KCNMA1: variants seen among roughly 807,000 people sequenced by gnomAD.
The protein encoded by KCNMA1 is potassium calcium-activated channel subfamily M alpha 1.
Under a neutral mutation model 140.0 loss-of-function variants are expected in KCNMA1, and 29 were observed. The ratio of observed to expected loss-of-function variants is 0.21; its 90% CI spans 0.15 to 0.28. KCNMA1 has a LOEUF of 0.28. Among genes scored for constraint, KCNMA1 ranks in the 10% least tolerant of loss-of-function variants. The pLI is 1.00. For missense variants in KCNMA1, 880 were observed against 1,602.2 expected (o/e 0.55, Z 7.70); for synonymous variants, 612 against 611.9 (o/e 1.00, Z 0.00).
intron 23 of KCNMA1, among the ~76,000 whole-genome samples, chr10:76,940,478 A>G (rs968986091): frequency 6.6e-6 from 1 of 152,208 alleles, no homozygotes; most frequent in African/African-American, 2.4e-5. Context: ...ATAGGGTTGC[A>G]TGCATATTCT....
chr10:76,906,258 C>T (rs1438323719), intron 25 of KCNMA1, among the ~76,000 whole-genome samples: 1 of 152,120 alleles, frequency 6.6e-6, no homozygotes, highest in Non-Finnish European at 1.5e-5. Flanking sequence ...GAGTCTCATC[C>T]CTAAAAACAG....
At chr10:76,878,038 C>A in intron 29 of KCNMA1, 1 of 771,256 alleles carries the variant, frequency 1.3e-6, no homozygotes, top group South Asian at 1.6e-5. Flanking sequence ...AGAGACAGTG[C>A]AGTGTAGGGA....
In KCNMA1 at chr10:77,112,581, T is replaced by C. The variant is rs566538285; in HGVS notation, c.885-139A>G. The C allele has an allele frequency of 3.7e-5, 26 of 697,354 alleles. No individual in the cohort carries two copies. The African/African-American group carries it at 4.2e-4, about 11-fold the overall frequency. The allele number at this position is 697,354 out of a possible 1,614,324, so 43.2% of individuals were successfully genotyped here. On this transcript the variant is annotated intron_variant, in intron 6 of 27. Coordinates refer to ENST00000286628, the MANE Select transcript of KCNMA1 (RefSeq NM_001161352.2). ...CAACCATTTCTCCATTATAAGGGAA[T>C]TCTGGAAGGTGGAGGAAGCTGCTGG...
rs1199110868 is a variant in KCNMA1, at chr10:77,404,298, A to G, written c.379-275T>C. Among the ~76,000 whole-genome samples the G allele has an allele frequency of 4.6e-5, 7 of 152,100 alleles. No individual in the cohort carries two copies. In the East Asian group the frequency reaches 1.4e-3, roughly 29 times the overall value. On this transcript the variant is annotated intron_variant, in intron 1 of 27. Transcript: ENST00000286628. ...CTATTTTATTTTATTTTATTTTTTG[A>G]GATGAAGTCTCACTCTGTCACCCAG...
chr10:77,306,617 T>C (rs1293230483), intron 2 of KCNMA1, among the ~76,000 whole-genome samples: 1 of 152,218 alleles, frequency 6.6e-6, no homozygotes, highest in Non-Finnish European at 1.5e-5. Context: ...AAGAAAAGAA[T>C]TAACATGATC....
At position 77,084,713 on chromosome 10, in the gene KCNMA1, ACT is replaced by A; in HGVS notation, c.1445_1446del (p.Glu482ValfsTer15). ...GCAAGGATCAGGCATGCATCTGCTG[ACT>A]CTATCTAAGACACCGAAAGGAAAAT... is the stretch of plus-strand genomic sequence containing the variant. ...NPHDLARVKI[E>X]SADACLILAN... On this transcript the variant is annotated frameshift_variant, in exon 12 of 28. Transcript: ENST00000286628. LOFTEE classifies it high-confidence loss of function. The A allele has an allele frequency of 6.2e-7, 1 of 1,612,988 alleles. No homozygotes were observed. Among genetic ancestry groups the A allele is most frequent in the Non-Finnish European group, 8.5e-7 (1 of 1,179,144 alleles).
intron 18 of KCNMA1, among the ~76,000 whole-genome samples, chr10:77,002,320 C>T (rs1460757032): frequency 1.3e-5 from 2 of 152,160 alleles, no homozygotes; most frequent in African/African-American, 4.8e-5. Flanking sequence ...TCACCAAAAG[C>T]ATATGAGATG....
intron 3 of KCNMA1, 106 bp downstream of exon 3, chr10:77,251,089 C>T (rs759963358): frequency 7.8e-6 from 7 of 894,984 alleles, no homozygotes; most frequent in African/African-American, 1.6e-5. Flanking sequence ...ATCTTCTGCA[C>T]TCAGAAGGTC....
Position 77,284,647 on chromosome 10 carries a change from G to A in KCNMA1, c.541-33391C>T, listed in dbSNP as rs1042616069. ...TCTTGCCTCAACCTCCCAAGTAGCC[G>A]GGATTACAGGCACATGGCATCACAC... On this transcript the variant is annotated intron_variant, in intron 2 of 27. Transcript: ENST00000286628. 3.3e-5 allele frequency among the ~76,000 whole-genome samples: 5 copies of A among 151,872 alleles called. No individual in the cohort carries two copies. In the East Asian group the frequency reaches 5.8e-4, roughly 18 times the overall value.
At chr10:77,410,253 G>A (rs1434542875) in intron 1 of KCNMA1, among the ~76,000 whole-genome samples, 2 of 152,174 alleles carry the variant, frequency 1.3e-5, no homozygotes, top group African/African-American at 4.8e-5. Context: ...AGGGTGAGCT[G>A]CTGCCACACC....
chr10:77,520,025 T>C (rs1350752782), intron 1 of KCNMA1, among the ~76,000 whole-genome samples: 1 of 15,882 alleles, frequency 6.3e-5, no homozygotes, highest in African/African-American at 6.3e-4. Context: ...GGCTGGGGTA[T>C]GCAGTGTGAG....
chr10:77,092,707 T>C (rs2096843392), intron 9 of KCNMA1, among the ~76,000 whole-genome samples: 2 of 152,218 alleles, frequency 1.3e-5, no homozygotes, highest in Non-Finnish European at 1.5e-5. Flanking sequence ...AAGTTCGAAG[T>C]TCTATACCAG....
chr10:77,495,870 A>C (rs1204478008), intron 1 of KCNMA1, among the ~76,000 whole-genome samples: 1 of 152,246 alleles, frequency 6.6e-6, no homozygotes, highest in African/African-American at 2.4e-5. Context: ...GAGGCTACTG[A>C]GCCACCAGTA....
At chr10:77,150,272 T>A (rs1597255992) in intron 5 of KCNMA1, among the ~76,000 whole-genome samples, 1 of 152,144 alleles carries the variant, frequency 6.6e-6, no homozygotes, top group South Asian at 2.1e-4. Flanking sequence ...AATTAGAGAA[T>A]GAAATAGGCC....
intron 17 of KCNMA1, among the ~76,000 whole-genome samples, chr10:77,015,132 C>A (rs1246496696): frequency 6.6e-6 from 1 of 152,154 alleles, no homozygotes; most frequent in Admixed American, 6.5e-5. Context: ...TTGCTTCACC[C>A]ATCATCAGAC....
chr10:77,293,107 TC>T (rs979487530), intron 2 of KCNMA1, among the ~76,000 whole-genome samples: 4 of 152,076 alleles, frequency 2.6e-5, no homozygotes, highest in African/African-American at 9.7e-5. Context: ...TTCAAGAGCC[TC>T]CAGAAGCCAA....
At chr10:77,012,448 A>G (rs2091026237) in intron 17 of KCNMA1, 1 of 1,549,986 alleles carries the variant, frequency 6.5e-7, no homozygotes, top group East Asian at 2.4e-5. Context: ...GGTCAAATAT[A>G]TATTTGAGGG....
At chr10:77,016,785 G>A (rs2092120360) in intron 17 of KCNMA1, among the ~76,000 whole-genome samples, 1 of 152,064 alleles carries the variant, frequency 6.6e-6, no homozygotes, top group Non-Finnish European at 1.5e-5. Context: ...CAGTGGGATG[G>A]TTTCACTCCT....
At chr10:77,234,498 G>A (rs985831038) in intron 3 of KCNMA1, among the ~76,000 whole-genome samples, 8 of 152,092 alleles carry the variant, frequency 5.3e-5, no homozygotes, top group African/African-American at 1.7e-4. Flanking sequence ...AGTTAATTAC[G>A]GAATCAGCAG....
Sources: gnomAD v4.1 joint callset for allele counts (sites outside exome capture counted in the v4.1 genomes callset) on GRCh38, gnomAD v4.1.1 for gene constraint, MANE v1.5 for transcripts, NCBI Gene and HGNC (gene_info 2026-07-23, HGNC 2026-07-21) for gene names.